Variants in NRP1 observed in about 807,000 individuals in gnomAD.
The protein encoded by NRP1 is neuropilin 1, also known as neuropilin-1.
Under a neutral mutation model 106.7 loss-of-function variants are expected in NRP1, and 35 were observed. The ratio of observed to expected loss-of-function variants is 0.33; its 90% confidence interval spans 0.25 to 0.43. The LOEUF is 0.43. Among genes scored for constraint, NRP1 ranks in the 20% least tolerant of loss-of-function variants. The pLI is 1.00. For missense variants in NRP1, 1,024 were observed against 1,170.4 expected, an observed-to-expected ratio of 0.87 and a Z score of 1.83; for synonymous variants, 437 against 417.9, an observed-to-expected ratio of 1.05 and a Z score of -0.56.
intron 3 of NRP1, among the ~76,000 whole-genome samples, chr10:33,266,997 A>G (rs1053041889): frequency 6.6e-5 from 10 of 152,104 alleles, no homozygotes; most frequent in Admixed American, 1.3e-4. Context: ...GTGCCACTGC[A>G]CTCCAGCCTG....
chr10:33,255,487 C>A (rs563586875), intron 5 of NRP1, among the ~76,000 whole-genome samples: 34 of 152,290 alleles, frequency 2.2e-4, no homozygotes, highest in African/African-American at 8.2e-4. Flanking sequence ...CTGGGTCTCA[C>A]TCTGTCAACC....
chr10:33,309,596 T>G (rs953409550), intron 2 of NRP1, among the ~76,000 whole-genome samples: 2 of 152,238 alleles, frequency 1.3e-5, no homozygotes, highest in African/African-American at 4.8e-5. Context: ...CCTGACACTG[T>G]GAACAATGCT....
At chr10:33,316,112 T>C (rs1387592519) in intron 2 of NRP1, among the ~76,000 whole-genome samples, 3 of 152,162 alleles carry the variant, frequency 2.0e-5, no homozygotes, top group Admixed American at 6.6e-5. Flanking sequence ...AACGGGGAAC[T>C]CTAAATGCTT....
intron 13 of NRP1, 49 bp from the exon 14 acceptor site, chr10:33,186,537 C>A (rs754148898): frequency 3.1e-5 from 48 of 1,549,900 alleles, no homozygotes; most frequent in Non-Finnish European, 3.8e-5. Context: ...GATTACCACA[C>A]TTTTATCTCT....
intron 2 of NRP1, among the ~76,000 whole-genome samples, chr10:33,288,803 C>T (rs1844773674): frequency 1.3e-5 from 2 of 152,120 alleles, no homozygotes; most frequent in African/African-American, 4.8e-5. Context: ...ATGTTCCTCT[C>T]CTTGAATGTA....
At chr10:33,228,778 C>T (rs924506088) in intron 6 of NRP1, among the ~76,000 whole-genome samples, 12 of 152,094 alleles carry the variant, frequency 7.9e-5, no homozygotes, top group Non-Finnish European at 1.8e-4. Flanking sequence ...GATATAAACT[C>T]TAGGCTCTGT....
intron 2 of NRP1, among the ~76,000 whole-genome samples, chr10:33,297,454 G>C (rs61843236): frequency 0.011 from 1,721 of 152,318 alleles, 15 homozygotes; most frequent in Non-Finnish European, 0.018. Context: ...GGGAAGCCAA[G>C]GTGGGTGGAT....
intron 9 of NRP1, among the ~76,000 whole-genome samples, chr10:33,208,899 CTTTTTTTTT>C: frequency 1.2e-5 from 1 of 85,240 alleles, no homozygotes; most frequent in African/African-American, 4.7e-5. Context: ...TTAGAGCAGC[CTTTTTTTTT>C]TTTTTTTTTT....
intron 6 of NRP1, among the ~76,000 whole-genome samples, chr10:33,251,146 G>A (rs1564423662): frequency 6.6e-6 from 1 of 152,174 alleles, no homozygotes; most frequent in South Asian, 2.1e-4. Flanking sequence ...TCTCATGATA[G>A]TGGGTGAGTT....
At chr10:33,237,463 G>A (rs11009313) in intron 6 of NRP1, among the ~76,000 whole-genome samples, 29,463 of 147,264 alleles carry the variant, frequency 0.2, 3,144 homozygotes, top group African/African-American at 0.29. Flanking sequence ...ATGAACTAAC[G>A]GCAGAAGAAA....
Position 33,256,323 on chromosome 10 carries a change from G to A in NRP1, c.807C>T (p.Val269=). 1 of 1,614,128 alleles carries A rather than the reference G, an allele frequency of 6.2e-7. No individual in the cohort carries two copies. The highest frequency in any genetic ancestry group is 8.5e-7 in the Non-Finnish European group (1 of 1,179,992). The change falls in exon 5 of 17, where the codon GTC becomes GTT. Residue 269 remains valine (V), a synonymous_variant. Transcript: ENST00000374867. ...SANYSVLQSS[V]SEDFKCMEAL... ...AAATGAATAAACACTGACCTTCTGA[G>A]ACACTGCTCTGCAAGACACTGTAGT... is the stretch of plus-strand genomic sequence containing the variant.
intron 8 of NRP1, among the ~76,000 whole-genome samples, chr10:33,215,622 C>T (rs2300950): frequency 0.28 from 42,610 of 151,954 alleles, 6,399 homozygotes; most frequent in East Asian, 0.62. Context: ...CTCAATTCTG[C>T]GTTATATAAT....
intron 6 of NRP1, among the ~76,000 whole-genome samples, chr10:33,246,076 GAATT>G (rs1471318609): frequency 2.0e-5 from 3 of 150,416 alleles, no homozygotes; most frequent in African/African-American, 7.3e-5. Flanking sequence ...TTTTTAAGCT[GAATT>G]AATTAGTCAA....
chr10:33,198,073 CT>C (rs78668305), intron 11 of NRP1, among the ~76,000 whole-genome samples: 1,684 of 125,820 alleles, frequency 0.013, 16 homozygotes, highest in African/African-American at 0.036. Flanking sequence ...CTATTTTAGG[CT>C]TTTTTTTTTT....
chr10:33,314,231 C>T (rs1313527230), intron 2 of NRP1, among the ~76,000 whole-genome samples: 6 of 151,996 alleles, frequency 3.9e-5, no homozygotes, highest in African/African-American at 9.7e-5. Context: ...AGACTACGGG[C>T]GCATGGCACC....
intron 6 of NRP1, among the ~76,000 whole-genome samples, chr10:33,236,004 CAA>C (rs1840525704): frequency 6.6e-6 from 1 of 152,172 alleles, no homozygotes; most frequent in South Asian, 2.1e-4. Flanking sequence ...CCCCTTCCTG[CAA>C]AGAGACTTAG....
chr10:33,248,031 T>C (rs1181465926), intron 6 of NRP1, among the ~76,000 whole-genome samples: 1 of 152,200 alleles, frequency 6.6e-6, no homozygotes, highest in East Asian at 1.9e-4. Context: ...CTCATGTCTG[T>C]AATCCCAGCA....
In NRP1 at chr10:33,254,011, G is replaced by C; in HGVS notation, c.981+17C>G. On this transcript the variant is annotated intron_variant, in intron 6 of 16. Coordinates refer to ENST00000374867, the MANE Select transcript of NRP1 (RefSeq NM_003873.7). Reference sequence around the variant, plus strand: ...AACTTATTCAATCCTAGATAGGCTTGATCTTATGCTGCATACCTGTATCCA... The same window carrying C: ...AACTTATTCAATCCTAGATAGGCTTCATCTTATGCTGCATACCTGTATCCA... The C allele has an allele frequency of 1.9e-6, 3 of 1,590,974 alleles. No individual in the cohort carries two copies. Among genetic ancestry groups the C allele is most frequent in the Non-Finnish European group, 2.6e-6 (3 of 1,172,734 alleles).
intron 13 of NRP1, among the ~76,000 whole-genome samples, chr10:33,188,936 T>TATATATATATATATATATATATAA (rs543920885): frequency 1.7e-4 from 25 of 143,352 alleles, no homozygotes; most frequent in African/African-American, 6.4e-4. Context: ...TATATATATA[T>TATATATATATATATATATATATAA]AAATTAAAAC....
Sources: allele counts gnomAD v4.1 joint callset (sites outside exome capture counted in the v4.1 genomes callset), GRCh38; gene constraint gnomAD v4.1.1; transcripts MANE v1.5; gene names NCBI Gene and HGNC (gene_info 2026-07-23, HGNC 2026-07-21).